Variants in HTR7 observed in about 807,000 individuals in gnomAD.
HTR7 encodes 5-hydroxytryptamine receptor 7, also known as 5-HT-7.
A neutral mutation model predicts 34.0 loss-of-function variants in HTR7; 16 were observed. The ratio of observed to expected loss-of-function variants is 0.47; its 90% CI spans 0.32 to 0.71. The LOEUF (loss-of-function observed/expected upper bound fraction) is 0.71. Ranked by LOEUF, HTR7 falls within the 30% of genes least tolerant of loss-of-function variation. The pLI, the probability that HTR7 is intolerant of heterozygous loss-of-function variation, is 0.04. For synonymous variants in HTR7, 265 were observed against 260.2 expected, an observed-to-expected ratio of 1.02 and a Z score of -0.18; for missense variants, 504 against 625.5, an observed-to-expected ratio of 0.81 and a Z score of 2.07.
At chr10:90,793,378 C>T (rs1187204944) in intron 1 of HTR7, among the ~76,000 whole-genome samples, 1 of 151,196 alleles carries the variant, frequency 6.6e-6, no homozygotes, top group Non-Finnish European at 1.5e-5. Context: ...CATTAATAAC[C>T]ATAGAAGAGG....
Position 90,804,266 on chromosome 10 carries a change from T to C in HTR7, c.539+52867A>G, listed in dbSNP as rs1045520482. Among the ~76,000 whole-genome samples, 10 of 152,224 alleles carry C rather than the reference T, an allele frequency of 6.6e-5. No individual in the cohort carries two copies. The South Asian group carries it at 8.3e-4, about 13-fold the overall frequency. On this transcript the variant is annotated intron_variant, in intron 1 of 3. Transcript: ENST00000336152. ...CTCAACAAAACCTCCACGTTCACCATCCTTCGAGTCTGTGTGACATGATTC... is the reference window on the plus strand; with the variant it reads ...CTCAACAAAACCTCCACGTTCACCACCCTTCGAGTCTGTGTGACATGATTC...
intron 1 of HTR7, among the ~76,000 whole-genome samples, chr10:90,813,068 C>T (rs890607497): frequency 3.9e-5 from 6 of 152,090 alleles, no homozygotes; most frequent in African/African-American, 1.4e-4. Context: ...ACCCCCACTC[C>T]TGCCCGCCAG....
At chr10:90,759,661 C>CAAAA (rs60718814) in intron 1 of HTR7, among the ~76,000 whole-genome samples, 10 of 69,362 alleles carry the variant, frequency 1.4e-4, no homozygotes, top group East Asian at 4.1e-4. Context: ...GACTCTGTCT[C>CAAAA]AAAAAAAAAA....
intron 1 of HTR7, among the ~76,000 whole-genome samples, chr10:90,777,438 G>A (rs894179144): frequency 3.7e-5 from 5 of 136,002 alleles, no homozygotes; most frequent in Middle Eastern, 3.8e-3. Context: ...CCAAGATGAC[G>A]CCACTGCACT....
rs551274919 is a variant in HTR7, at chr10:90,838,897, ATGTG to A, written c.539+18232_539+18235del. ...CGTGATACTTATTACTAACAAATTAATGTGTGTGTGTGTGTTTTAACTTATCTGT... is the reference window on the plus strand; with the variant it reads ...CGTGATACTTATTACTAACAAATTAATGTGTGTGTGTTTTAACTTATCTGT... On this transcript the variant is annotated intron_variant, in intron 1 of 3. Coordinates refer to ENST00000336152, the MANE Select transcript of HTR7 (RefSeq NM_019859.4). Among the ~76,000 whole-genome samples, 8 of 152,040 alleles carry A rather than the reference ATGTG, an allele frequency of 5.3e-5. No individual in the cohort carries two copies. The South Asian group carries it at 1.5e-3, about 28-fold the overall frequency.
chr10:90,766,364 T>A (rs149030490), intron 1 of HTR7, among the ~76,000 whole-genome samples: 65 of 152,340 alleles, frequency 4.3e-4, no homozygotes, highest in African/African-American at 1.4e-3. Context: ...ACTACTTGCA[T>A]GAAATATCTT....
intron 1 of HTR7, among the ~76,000 whole-genome samples, chr10:90,834,972 T>C (rs1254096746): frequency 2.6e-5 from 4 of 152,160 alleles, no homozygotes; most frequent in Non-Finnish European, 5.9e-5. Context: ...TGTTATCGTC[T>C]CCTAGGAATT....
In HTR7 at chr10:90,803,481, T is replaced by TA. The variant is rs368126052; in HGVS notation, c.539+53651dup. On this transcript the variant is annotated intron_variant, in intron 1 of 3. Transcript: ENST00000336152. ...AGGTCAAATATCACTTAAACTCCAC[T>TA]ATTTGCCATTTGATGCACAAGGTTG... 1.6e-3 allele frequency among the ~76,000 whole-genome samples: 249 copies of TA among 152,286 alleles called. 2 individuals are homozygous for TA. Among genetic ancestry groups the TA allele is most frequent in the African/African-American group, 5.7e-3 (238 of 41,570 alleles).
At chr10:90,768,133 C>A (rs1480790253) in intron 1 of HTR7, among the ~76,000 whole-genome samples, 1 of 152,186 alleles carries the variant, frequency 6.6e-6, no homozygotes, top group Admixed American at 6.5e-5. Flanking sequence ...ATCTAAGAGT[C>A]CTTCTCATTC....
intron 1 of HTR7, among the ~76,000 whole-genome samples, chr10:90,763,820 AT>A (rs1352551569): frequency 6.6e-6 from 1 of 152,208 alleles, no homozygotes; most frequent in African/African-American, 2.4e-5. Flanking sequence ...GCTGCATAGT[AT>A]TCCATGGTGT....
chr10:90,826,101 G>A (rs1846069263), intron 1 of HTR7, among the ~76,000 whole-genome samples: 1 of 152,092 alleles, frequency 6.6e-6, no homozygotes, highest in African/African-American at 2.4e-5. Context: ...GATCCTGAAA[G>A]TAGCAAGAGA....
chr10:90,773,474 G>A (rs898636925), intron 1 of HTR7, among the ~76,000 whole-genome samples: 1 of 152,058 alleles, frequency 6.6e-6, no homozygotes, highest in African/African-American at 2.4e-5. Flanking sequence ...ACAATCTACT[G>A]ATACTTTTTA....
intron 1 of HTR7, among the ~76,000 whole-genome samples, chr10:90,759,092 C>A (rs1844887348): frequency 1.3e-5 from 2 of 150,380 alleles, no homozygotes; most frequent in African/African-American, 4.9e-5. Context: ...GAGGCTGAGG[C>A]AGGAGAATTG....
chr10:90,820,077 C>A (rs528126673), intron 1 of HTR7, among the ~76,000 whole-genome samples: 21 of 152,280 alleles, frequency 1.4e-4, no homozygotes, highest in African/African-American at 4.6e-4. Context: ...CTTGCACAAG[C>A]TGCTTCTGCA....
At position 90,808,603 on chromosome 10, in the gene HTR7, G is replaced by A. The variant is rs185171360; in HGVS notation, c.539+48530C>T. Among the ~76,000 whole-genome samples the A allele has an allele frequency of 3.6e-3, 547 of 151,810 alleles. 7 individuals are homozygous for A. In the Middle Eastern group the frequency reaches 0.044, roughly 12 times the overall value. On this transcript the variant is annotated intron_variant, in intron 1 of 3. Coordinates refer to ENST00000336152, the MANE Select transcript of HTR7 (RefSeq NM_019859.4). ...CCATGCCCCGACCTTGTATCTCTGC[G>A]CCCCGACCCCTTTCCCACTTTTCTG... is the stretch of plus-strand genomic sequence containing the variant.
intron 3 of HTR7, 52 bp from the exon 4 acceptor site, chr10:90,742,580 T>C (rs1279437532): frequency 3.8e-6 from 5 of 1,303,896 alleles, no homozygotes; most frequent in Non-Finnish European, 5.4e-6. Flanking sequence ...ACTGTAAATG[T>C]GAGTTTTCAT....
intron 1 of HTR7, among the ~76,000 whole-genome samples, chr10:90,854,023 A>T (rs1846540860): frequency 6.6e-6 from 1 of 152,224 alleles, no homozygotes; most frequent in Admixed American, 6.5e-5. Flanking sequence ...GAAGGGTTTT[A>T]AAAGATAGAA....
At chr10:90,824,759 T>C (rs1339095493) in intron 1 of HTR7, among the ~76,000 whole-genome samples, 1 of 152,192 alleles carries the variant, frequency 6.6e-6, no homozygotes, top group Non-Finnish European at 1.5e-5. Flanking sequence ...CCTGGGGTAA[T>C]GGTGGCTATG....
chr10:90,786,448 G>A (rs908682130), intron 1 of HTR7, among the ~76,000 whole-genome samples: 2 of 152,152 alleles, frequency 1.3e-5, no homozygotes, highest in African/African-American at 4.8e-5. Context: ...ACTTCCACGT[G>A]TATTTGTTCC....
Sources: gnomAD v4.1 joint callset for allele counts (sites outside exome capture counted in the v4.1 genomes callset) on GRCh38, gnomAD v4.1.1 for gene constraint, MANE v1.5 for transcripts, NCBI Gene and HGNC (gene_info 2026-07-23, HGNC 2026-07-21) for gene names.